GSE1: variants seen among roughly 807,000 people sequenced by gnomAD.
The protein encoded by GSE1 is genetic suppressor element 1.
Under a neutral mutation model 112.6 loss-of-function variants are expected in GSE1, and 32 were observed. The observed-to-expected ratio is 0.28, with a 90% CI of 0.21 to 0.38. The LOEUF is 0.38. Ranked by LOEUF, GSE1 falls within the 10% of genes least tolerant of loss-of-function variation. The probability of loss-of-function intolerance (pLI) is 1.00; values close to 1 mark genes in which losing one functional copy is unlikely to be tolerated. For missense variants in GSE1, 2,348 were observed against 1,699.2 expected (o/e 1.38, Z -6.71); for synonymous variants, 1,115 against 735.6 (o/e 1.52, Z -8.35).
At chr16:85,171,250 C>T in exon 1 of GSE1, 5 of 985,678 alleles carry the variant, frequency 5.1e-6, no homozygotes, top group Non-Finnish European at 6.0e-6. Context: ...CGCCTCCGAC[C>T]CTGCCCTCTC....
chr16:85,549,833 G>A (rs575317848), intron 2 of GSE1, among the ~76,000 whole-genome samples: 1 of 152,222 alleles, frequency 6.6e-6, no homozygotes, highest in South Asian at 2.1e-4. Flanking sequence ...CACTTCTCTG[G>A]GCCTCAGCAT....
rs1453548972 is a variant in GSE1 at position 85,656,567 on chromosome 16, A to T, written c.1214A>T (p.Glu405Val). The T allele has an allele frequency of 6.5e-7, 1 of 1,547,828 alleles. No individual in the cohort carries two copies. Reference sequence around the variant, plus strand: ...GAGCTGCTGGCCGCCAAGGCCCTGGAGCCCAGCTTCCTGCCCGTGGCCGAG... The same window carrying T: ...GAGCTGCTGGCCGCCAAGGCCCTGGTGCCCAGCTTCCTGCCCGTGGCCGAG... Reference protein sequence around the residue: ...EKELLAAKALEPSFLPVAELH... With the variant: ...EKELLAAKALVPSFLPVAELH... The change falls in exon 7 of 16, where the codon GAG (glutamate) becomes GTG (valine). Residue 405 changes from glutamate (E) to valine (V), a missense_variant. Transcript: ENST00000253458.
Position 85,501,674 on chromosome 16 carries a change from G to A in GSE1, c.2465-132240G>A, listed in dbSNP as rs928258243. Among the ~76,000 whole-genome samples, 6 of 152,342 alleles carry A rather than the reference G, an allele frequency of 3.9e-5. No homozygotes were observed. The East Asian group carries it at 7.7e-4, about 20-fold the overall frequency. ...CTCCCAAAGCGCTAGGATTACAGGC[G>A]TGAGCCACTGTGCCTTGCCAAAACT... On this transcript the variant is annotated intron_variant, in intron 2 of 2. Coordinates refer to the GSE1 transcript ENST00000637419.
At chr16:85,371,033 C>T (rs2047287790) in intron 2 of GSE1, among the ~76,000 whole-genome samples, 1 of 152,230 alleles carries the variant, frequency 6.6e-6, no homozygotes, top group African/African-American at 2.4e-5. Flanking sequence ...CTCGCGCTCT[C>T]TTCTGGGGAG....
intron 1 of GSE1, among the ~76,000 whole-genome samples, chr16:85,282,722 A>G (rs1169783196): frequency 1.3e-5 from 2 of 152,260 alleles, no homozygotes; most frequent in African/African-American, 4.8e-5. Context: ...TGCTTTTGCT[A>G]TACCAGGATT....
exon 1 of GSE1, chr16:85,169,717 C>T: frequency 1.0e-6 from 1 of 983,776 alleles, no homozygotes; most frequent in Non-Finnish European, 1.2e-6. Context: ...CTTCCCGTTC[C>T]TGCAGCAGCA....
intron 1 of GSE1, among the ~76,000 whole-genome samples, chr16:85,337,369 G>T (rs868102599): frequency 0.013 from 1,239 of 95,526 alleles, no homozygotes; most frequent in African/African-American, 0.014. Flanking sequence ...GCAGTGGCGC[G>T]ATCTCGGCTC....
intron 2 of GSE1, among the ~76,000 whole-genome samples, chr16:85,482,036 G>A (rs2050696506): frequency 1.3e-5 from 2 of 152,240 alleles, no homozygotes; most frequent in Non-Finnish European, 1.5e-5. Flanking sequence ...TCAGTCATTC[G>A]GCCTTTGGAT....
chr16:85,636,242 G>C (rs1398874978), intron 2 of GSE1, among the ~76,000 whole-genome samples: 1 of 152,240 alleles, frequency 6.6e-6, no homozygotes, highest in Non-Finnish European at 1.5e-5. Flanking sequence ...CGGGCGAGCA[G>C]TGCCACTGCC....
At chr16:85,571,943 G>A (rs1225742142) in intron 1 of GSE1, among the ~76,000 whole-genome samples, 1 of 152,116 alleles carries the variant, frequency 6.6e-6, no homozygotes, top group Non-Finnish European at 1.5e-5. Context: ...GGTTTCCATT[G>A]TCAAGTGGTA....
chr16:85,301,750 A>T (rs2045533319), intron 1 of GSE1, among the ~76,000 whole-genome samples: 1 of 152,100 alleles, frequency 6.6e-6, no homozygotes, highest in Non-Finnish European at 1.5e-5. Flanking sequence ...GGGCACCCCC[A>T]CAGGCAGCAG....
At chr16:85,299,680 C>A (rs1489026527) in intron 1 of GSE1, among the ~76,000 whole-genome samples, 1 of 152,200 alleles carries the variant, frequency 6.6e-6, no homozygotes, top group Admixed American at 6.5e-5. Context: ...ATAATCCCAG[C>A]ACTTTGGAAG....
At chr16:85,222,423 C>T (rs1201483176) in intron 1 of GSE1, among the ~76,000 whole-genome samples, 2 of 152,204 alleles carry the variant, frequency 1.3e-5, no homozygotes, top group East Asian at 1.9e-4. Context: ...CGGCACATTC[C>T]ACTTGGGGAT....
chr16:85,255,040 G>A (rs983351151), intron 1 of GSE1, among the ~76,000 whole-genome samples: 10 of 152,212 alleles, frequency 6.6e-5, no homozygotes, highest in Non-Finnish European at 1.3e-4. Context: ...GCAGGGACCC[G>A]CCACCCACCG....
At position 85,656,194 on chromosome 16, in the gene GSE1, T is replaced by A. The variant is rs1034397866; in HGVS notation, c.990-149T>A. 9.0e-6 allele frequency: 9 copies of A among 996,236 alleles called. No individual in the cohort carries two copies. In the African/African-American group the frequency reaches 1.5e-4, roughly 16 times the overall value. 61.7% of individuals were successfully genotyped at this position (996,236 alleles called of 1,614,324 possible). ...CTTTGATTGTATGGACCTTAAGTTC[T>A]TCCTGCACCAGTGAAACCCGGCTCA... On this transcript the variant is annotated intron_variant, in intron 6 of 15. Coordinates refer to ENST00000253458, the MANE Select transcript of GSE1 (RefSeq NM_014615.5).
chr16:85,325,259 G>A lies in GSE1; in HGVS notation c.2284-32204G>A, dbSNP rs371138422. ...ACTTGGATTATAGGCATGAACCGCC[G>A]TATCCAGTCTAGATCTCAATGTCTT... On this transcript the variant is annotated intron_variant, in intron 1 of 2. Coordinates refer to the GSE1 transcript ENST00000637419. 1.9e-4 allele frequency among the ~76,000 whole-genome samples: 29 copies of A among 152,194 alleles called. No individual in the cohort carries two copies. In the East Asian group the frequency reaches 2.7e-3, roughly 14 times the overall value.
intron 2 of GSE1, among the ~76,000 whole-genome samples, chr16:85,371,718 G>A (rs892510440): frequency 1.3e-5 from 2 of 152,196 alleles, no homozygotes; most frequent in Non-Finnish European, 2.9e-5. Context: ...TGAGCTCAGG[G>A]TGCCTCCCAT....
At chr16:85,424,210 C>G (rs1403638928) in intron 2 of GSE1, among the ~76,000 whole-genome samples, 1 of 152,282 alleles carries the variant, frequency 6.6e-6, no homozygotes, top group Admixed American at 6.5e-5. Context: ...TTACTGAGCA[C>G]TGTGTTCACA....
chr16:85,229,120 G>A (rs962584172), intron 1 of GSE1, among the ~76,000 whole-genome samples: 4 of 152,238 alleles, frequency 2.6e-5, no homozygotes, highest in African/African-American at 4.8e-5. Flanking sequence ...TGGCGGCATC[G>A]TGGGAGCAGG....
Sources: gnomAD v4.1 joint callset for allele counts (sites outside exome capture counted in the v4.1 genomes callset) on GRCh38, gnomAD v4.1.1 for gene constraint, MANE v1.5 for transcripts, NCBI Gene and HGNC (gene_info 2026-07-23, HGNC 2026-07-21) for gene names.